SEZ6L: variants seen among roughly 807,000 people sequenced by gnomAD.
SEZ6L encodes seizure 6-like protein.
In SEZ6L, 37 loss-of-function variants were observed where a neutral mutation model predicts 106.2. The ratio of observed to expected loss-of-function variants is 0.35; its 90% CI spans 0.27 to 0.46. The LOEUF (loss-of-function observed/expected upper bound fraction) is 0.46, where lower values mean the gene tolerates loss of function less well. Ranked by LOEUF, SEZ6L falls within the 20% of genes least tolerant of loss-of-function variation. The pLI is 1.00. For missense variants in SEZ6L, 1,172 were observed against 1,332.8 expected, an observed-to-expected ratio of 0.88 and a Z score of 1.88; for synonymous variants, 541 against 570.4, an observed-to-expected ratio of 0.95 and a Z score of 0.73.
chr22:26,257,876 G>A (rs1205450227), intron 1 of SEZ6L, among the ~76,000 whole-genome samples: 2 of 152,132 alleles, frequency 1.3e-5, no homozygotes, highest in Non-Finnish European at 2.9e-5. Flanking sequence ...TCACATCTAA[G>A]ACCCTGATAG....
intron 6 of SEZ6L, among the ~76,000 whole-genome samples, chr22:26,308,366 G>A (rs2081705001): frequency 6.6e-6 from 1 of 151,518 alleles, no homozygotes; most frequent in Non-Finnish European, 1.5e-5. Flanking sequence ...CATGAGAACA[G>A]GAGGAAAGAG....
intron 10 of SEZ6L, among the ~76,000 whole-genome samples, chr22:26,347,306 C>T (rs949052443): frequency 6.6e-6 from 1 of 151,856 alleles, no homozygotes; most frequent in East Asian, 1.9e-4. Context: ...AGTGTAAACC[C>T]TCGGAGGTGA....
chr22:26,257,199 T>C (rs1187755316), intron 1 of SEZ6L, among the ~76,000 whole-genome samples: 3 of 152,084 alleles, frequency 2.0e-5, no homozygotes, highest in Non-Finnish European at 4.4e-5. Context: ...AGCCCAAACT[T>C]CAATTGTATT....
intron 1 of SEZ6L, among the ~76,000 whole-genome samples, chr22:26,288,873 T>G (rs2081018544): frequency 6.6e-6 from 1 of 152,038 alleles, no homozygotes; most frequent in Non-Finnish European, 1.5e-5. Context: ...CACTTATAAT[T>G]AAGGGGTAAT....
chr22:26,206,622 A>G (rs980298256), intron 1 of SEZ6L, among the ~76,000 whole-genome samples: 24 of 152,240 alleles, frequency 1.6e-4, no homozygotes, highest in African/African-American at 5.3e-4. Flanking sequence ...TGAGCGACCT[A>G]AAAATCCCAA....
chr22:26,212,648 C>G (rs529493259), intron 1 of SEZ6L, among the ~76,000 whole-genome samples: 3 of 152,140 alleles, frequency 2.0e-5, no homozygotes, highest in Non-Finnish European at 2.9e-5. Flanking sequence ...GTCTCAAACT[C>G]CTGGGCTCCA....
chr22:26,308,620 G>A (rs1284107554), intron 6 of SEZ6L, among the ~76,000 whole-genome samples: 1 of 152,044 alleles, frequency 6.6e-6, no homozygotes, highest in African/African-American at 2.4e-5. Context: ...TGCCTTGAAA[G>A]GTCGTAATAT....
chr22:26,226,331 C>T lies in SEZ6L; in HGVS notation c.94+56568C>T, dbSNP rs538653093. Among the ~76,000 whole-genome samples, 20 of 152,348 alleles carry T rather than the reference C, an allele frequency of 1.3e-4. No homozygotes were observed. The South Asian group carries it at 1.9e-3, about 14-fold the overall frequency. The stretch of plus-strand genomic sequence containing the variant: ...GCATGGTCTGGTTCCTTGCCCACCT[C>T]TCACCACTGCTCAAGCTGTTCCATG... On this transcript the variant is annotated intron_variant, in intron 1 of 16. Coordinates refer to ENST00000248933, the MANE Select transcript of SEZ6L (RefSeq NM_021115.5).
intron 13 of SEZ6L, among the ~76,000 whole-genome samples, chr22:26,366,926 G>T (rs1283199680): frequency 6.6e-6 from 1 of 152,004 alleles, no homozygotes; most frequent in Admixed American, 6.6e-5. Context: ...GGGATTGCAG[G>T]TATGAGCCAC....
intron 10 of SEZ6L, among the ~76,000 whole-genome samples, chr22:26,345,666 A>T (rs1601563214): frequency 6.6e-6 from 1 of 152,176 alleles, no homozygotes; most frequent in South Asian, 2.1e-4. Context: ...AAATAAAATC[A>T]TGATGAAATC....
chr22:26,317,455 T>G (rs1233283218), intron 9 of SEZ6L, among the ~76,000 whole-genome samples: 1 of 151,168 alleles, frequency 6.6e-6, no homozygotes, highest in East Asian at 2.0e-4. Context: ...ACAGGGAGCC[T>G]CCCAGATGGG....
intron 9 of SEZ6L, among the ~76,000 whole-genome samples, chr22:26,317,303 A>C (rs961369108): frequency 1.3e-5 from 2 of 152,156 alleles, no homozygotes; most frequent in Non-Finnish European, 1.5e-5. Flanking sequence ...GTTACCAGGA[A>C]AACTACCTGT....
chr22:26,345,751 C>T (rs1039360895), intron 10 of SEZ6L, among the ~76,000 whole-genome samples: 5 of 152,202 alleles, frequency 3.3e-5, no homozygotes, highest in African/African-American at 1.2e-4. Flanking sequence ...TCCCCAGAAG[C>T]ACATAAGAAC....
chr22:26,298,084 C>T (rs1256178212), intron 4 of SEZ6L, among the ~76,000 whole-genome samples: 4 of 152,178 alleles, frequency 2.6e-5, no homozygotes, highest in Non-Finnish European at 5.9e-5. Context: ...CAACTTTTCT[C>T]TCACCTGTTT....
intron 1 of SEZ6L, among the ~76,000 whole-genome samples, chr22:26,187,472 G>A (rs936777479): frequency 1.3e-5 from 2 of 152,216 alleles, no homozygotes; most frequent in African/African-American, 4.8e-5. Flanking sequence ...CAATTGCAAT[G>A]GGAGGGAGGC....
intron 1 of SEZ6L, among the ~76,000 whole-genome samples, chr22:26,187,827 T>C (rs1342286144): frequency 6.6e-6 from 1 of 152,182 alleles, no homozygotes; most frequent in East Asian, 1.9e-4. Context: ...ATAATATAGC[T>C]GAACTATAAA....
At chr22:26,245,210 T>G (rs1319230204) in intron 1 of SEZ6L, among the ~76,000 whole-genome samples, 8 of 152,112 alleles carry the variant, frequency 5.3e-5, no homozygotes, top group Non-Finnish European at 1.2e-4. Flanking sequence ...CATGGCAACC[T>G]TTTGCTTGCC....
At chr22:26,217,096 C>T (rs8139137) in intron 1 of SEZ6L, among the ~76,000 whole-genome samples, 122,676 of 152,088 alleles carry the variant, frequency 0.81, 50,486 homozygotes, top group Non-Finnish European at 0.89. Context: ...CAGTAACTCA[C>T]TAATTATCAT....
chr22:26,276,957 C>T (rs558821355), intron 1 of SEZ6L, among the ~76,000 whole-genome samples: 11 of 152,308 alleles, frequency 7.2e-5, no homozygotes, highest in South Asian at 4.1e-4. Flanking sequence ...GCCCAGCCAA[C>T]GCTCTAATGA....
Sources: gnomAD v4.1 joint callset for allele counts (sites outside exome capture counted in the v4.1 genomes callset) on GRCh38, gnomAD v4.1.1 for gene constraint, MANE v1.5 for transcripts, NCBI Gene and HGNC (gene_info 2026-07-23, HGNC 2026-07-21) for gene names.